ZNG1C: variants seen among roughly 807,000 people sequenced by gnomAD.
ZNG1C encodes zinc-regulated GTPase metalloprotein activator 1C.
At chr9:68,281,231 C>G in the ZNG1C span, among the ~76,000 whole-genome samples, 887 of 151,412 alleles carry the variant, frequency 5.9e-3, no homozygotes, top group African/African-American at 0.021. Flanking sequence ...CCTGCGCCCA[C>G]TGTCTGGCAC....
chr9:68,288,361 T>A, the ZNG1C span, among the ~76,000 whole-genome samples: 2 of 152,166 alleles, frequency 1.3e-5, no homozygotes, highest in Admixed American at 1.3e-4. Context: ...ATGAGGATAG[T>A]TTTTTGTTTG....
the ZNG1C span, chr9:68,257,028 G>GTTTGTTTTTTTTTTTTTTT: frequency 1.9e-4 from 17 of 90,212 alleles, 1 homozygote; most frequent in Non-Finnish European, 3.1e-4. Context: ...TTTTTTTTTT[G>GTTTGTTTTTTTTTTTTTTT]TTTTTTTTTT....
At chr9:68,269,532 G>A in the ZNG1C span, 9 of 834,368 alleles carry the variant, frequency 1.1e-5, no homozygotes, top group Non-Finnish European at 1.1e-5. Context: ...TCTGTGCAGG[G>A]TTATTTTATT....
chr9:68,278,043 ATG>A, the ZNG1C span, among the ~76,000 whole-genome samples: 1 of 112,288 alleles, frequency 8.9e-6, no homozygotes, highest in Non-Finnish European at 1.8e-5. Context: ...TGGAGGGGGT[ATG>A]TGTCAAGGAA....
At chr9:68,267,183 A>G in the ZNG1C span, among the ~76,000 whole-genome samples, 3 of 152,278 alleles carry the variant, frequency 2.0e-5, no homozygotes, top group Non-Finnish European at 4.4e-5. Context: ...TATAAGTTCT[A>G]CTGACTAGAT....
chr9:68,276,622 C>T, the ZNG1C span, among the ~76,000 whole-genome samples: 10 of 142,102 alleles, frequency 7.0e-5, 1 homozygote, highest in South Asian at 4.7e-4. Flanking sequence ...TGTAGATATG[C>T]GGCGTTATTT....
chr9:68,288,647 ATTTTTTTTTTTTTTTT>A, the ZNG1C span, among the ~76,000 whole-genome samples: 1 of 56,966 alleles, frequency 1.8e-5, no homozygotes, highest in East Asian at 4.5e-4. Context: ...TAATTTTTGT[ATTTTTTTTTTTTTTTT>A]TTTTTTTTTT....
the ZNG1C span, chr9:68,274,079 T>G: frequency 1.3e-5 from 2 of 150,260 alleles, no homozygotes; most frequent in South Asian, 4.3e-4. Context: ...CTTGACCTTG[T>G]GATCCGCCCG....
chr9:68,249,019 T>G, the ZNG1C span: 1 of 396,598 alleles, frequency 2.5e-6, no homozygotes, highest in Non-Finnish European at 4.9e-6. Flanking sequence ...AAAACTTTTT[T>G]TGGTTTAAAA....
the ZNG1C span, chr9:68,298,761 C>T: frequency 3.6e-6 from 3 of 823,950 alleles, no homozygotes; most frequent in South Asian, 4.3e-5. Context: ...AAAATCAATA[C>T]ACAGAAACCT....
chr9:68,293,319 G>T, the ZNG1C span, among the ~76,000 whole-genome samples: 1 of 152,338 alleles, frequency 6.6e-6, no homozygotes, highest in African/African-American at 2.4e-5. Flanking sequence ...GATGAATAGA[G>T]TGGTACCTCA....
chr9:68,247,575 G>A, the ZNG1C span: 5 of 1,277,814 alleles, frequency 3.9e-6, no homozygotes, highest in African/African-American at 6.2e-5. Context: ...TTGGCTAATG[G>A]ACATAAGCTA....
At chr9:68,259,738 T>C in the ZNG1C span, among the ~76,000 whole-genome samples, 2 of 152,194 alleles carry the variant, frequency 1.3e-5, no homozygotes, top group Non-Finnish European at 2.9e-5. Context: ...CATGAACTCC[T>C]GACCTCAAGT....
At chr9:68,268,475 G>A in the ZNG1C span, among the ~76,000 whole-genome samples, 9 of 150,912 alleles carry the variant, frequency 6.0e-5, no homozygotes, top group East Asian at 1.8e-3. Context: ...ACTAAGGACA[G>A]GCTGGGGGCA....
the ZNG1C span, among the ~76,000 whole-genome samples, chr9:68,279,640 C>G: frequency 8.1e-6 from 1 of 123,526 alleles, no homozygotes; most frequent in Non-Finnish European, 1.7e-5. Flanking sequence ...TTGGCCCCCA[C>G]TCTCTTCTGG....
At chr9:68,293,227 A>T in the ZNG1C span, among the ~76,000 whole-genome samples, 1 of 152,300 alleles carries the variant, frequency 6.6e-6, no homozygotes. Context: ...AAGCATAAAT[A>T]TCACAGGACC....
chr9:68,298,709 T>C, the ZNG1C span: 1 of 441,776 alleles, frequency 2.3e-6, no homozygotes, highest in East Asian at 4.3e-5. Flanking sequence ...CATCCTAATA[T>C]ATGTATTAAC....
chr9:68,296,547 CT>C, the ZNG1C span, among the ~76,000 whole-genome samples: 1 of 152,290 alleles, frequency 6.6e-6, no homozygotes, highest in Non-Finnish European at 1.5e-5. Context: ...AGTTTTTGGT[CT>C]TTTTGTATTT....
At chr9:68,299,171 G>A in the ZNG1C span, 1 of 1,397,694 alleles carries the variant, frequency 7.2e-7, no homozygotes, top group Non-Finnish European at 9.8e-7. Flanking sequence ...CACTTAAACA[G>A]ATTAACCATT....
Sources: allele counts gnomAD v4.1 joint callset (sites outside exome capture counted in the v4.1 genomes callset), GRCh38; gene constraint gnomAD v4.1.1; transcripts MANE v1.5; gene names NCBI Gene and HGNC (gene_info 2026-07-23, HGNC 2026-07-21).